Variants in PLA2G4E observed in about 807,000 individuals in gnomAD.
The protein encoded by PLA2G4E is phospholipase A2 group IVE, also known as cytosolic phospholipase A2 epsilon.
A neutral mutation model predicts 109.1 loss-of-function variants in PLA2G4E; 84 were observed. The observed-to-expected ratio is 0.77, with a 90% CI of 0.65 to 0.92. The LOEUF (loss-of-function observed/expected upper bound fraction) is 0.92. Ranked by LOEUF, PLA2G4E falls within the 40% of genes least tolerant of loss-of-function variation. The pLI, the probability that PLA2G4E is intolerant of heterozygous loss-of-function variation, is 0.00. For synonymous variants in PLA2G4E, 469 were observed against 436.1 expected (o/e 1.08, Z -0.94); for missense variants, 1,057 against 1,076.6 (o/e 0.98, Z 0.25).
chr15:42,034,587 T>C (rs1055025471), intron 1 of PLA2G4E, among the ~76,000 whole-genome samples: 1 of 152,220 alleles, frequency 6.6e-6, no homozygotes, highest in African/African-American at 2.4e-5. Context: ...CTCATTCTCA[T>C]CCTCTTAGAC....
intron 1 of PLA2G4E, among the ~76,000 whole-genome samples, chr15:42,029,703 C>G (rs1321188569): frequency 2.0e-5 from 3 of 152,230 alleles, no homozygotes; most frequent in Non-Finnish European, 4.4e-5. Context: ...AAGTTTATCC[C>G]TCTAAGCCTG....
In PLA2G4E at chr15:42,050,603, C is replaced by CT; in HGVS notation, c.100dup (p.Ser34LysfsTer4). The CT allele has an allele frequency of 6.4e-7, 1 of 1,550,628 alleles. No homozygotes were observed. The highest frequency in any genetic ancestry group is 1.2e-5 in the South Asian group (1 of 84,062). On this transcript the variant is annotated frameshift_variant, in exon 1 of 20. Transcript: ENST00000399518. LOFTEE classifies it high-confidence loss of function. Reference sequence around the variant, plus strand: ...CTGTGTATCCTCGAACTCACTGAAACTTCTTCCTGACCTGCTGCCTTCTTC... The same window carrying CT: ...CTGTGTATCCTCGAACTCACTGAAACTTTCTTCCTGACCTGCTGCCTTCTTC...
chr15:42,004,477 C>G (rs1187972401), intron 5 of PLA2G4E, among the ~76,000 whole-genome samples: 1 of 152,066 alleles, frequency 6.6e-6, no homozygotes, highest in Non-Finnish European at 1.5e-5. Flanking sequence ...CTGAGCCTCC[C>G]ATTGACGTGG....
chr15:42,008,872 T>C (rs1426522293), intron 2 of PLA2G4E: 1 of 141,366 alleles, frequency 7.1e-6, no homozygotes, highest in Non-Finnish European at 1.6e-5. Context: ...AGGATGGGAG[T>C]TCTACACTGG....
At chr15:41,990,158 G>A in exon 14 of PLA2G4E, 1 of 1,613,590 alleles carries the variant, frequency 6.2e-7, no homozygotes, top group Non-Finnish European at 8.5e-7. Flanking sequence ...CCTTGACATT[G>A]ATGGTGAGGT....
At chr15:42,017,368 C>T (rs16972467) in intron 1 of PLA2G4E, among the ~76,000 whole-genome samples, 19,986 of 152,238 alleles carry the variant, frequency 0.13, 2,968 homozygotes, top group African/African-American at 0.36. Flanking sequence ...ATGCAGGTGA[C>T]CATTTCTTCC....
intron 13 of PLA2G4E, among the ~76,000 whole-genome samples, chr15:41,990,611 A>C (rs920367104): frequency 1.3e-5 from 2 of 151,954 alleles, no homozygotes. Flanking sequence ...CATGTTTAGC[A>C]TCTCCATTTT....
chr15:41,987,479 T>A, intron 16 of PLA2G4E, 104 bp from the exon 17 acceptor site: 1 of 1,051,194 alleles, frequency 9.5e-7, no homozygotes, highest in Non-Finnish European at 1.4e-6. Context: ...GTGAGCACTG[T>A]AAAAGCAGCT....
exon 4 of PLA2G4E, chr15:42,006,093 T>A: frequency 6.2e-7 from 1 of 1,613,910 alleles, no homozygotes; most frequent in African/African-American, 1.3e-5. Flanking sequence ...CACTGTGTCT[T>A]CATCACAGAC....
intron 15 of PLA2G4E, 78 bp from the exon 16 acceptor site, chr15:41,988,234 C>G: frequency 1.2e-6 from 1 of 841,026 alleles, no homozygotes; most frequent in Non-Finnish European, 1.7e-6. Context: ...CCCACTCCCC[C>G]CACCCCCCCA....
intron 1 of PLA2G4E, among the ~76,000 whole-genome samples, chr15:42,041,449 A>T (rs1040378142): frequency 3.3e-5 from 5 of 152,158 alleles, no homozygotes; most frequent in African/African-American, 9.7e-5. Context: ...TTACGAATCC[A>T]GTTGCATCCA....
intron 1 of PLA2G4E, among the ~76,000 whole-genome samples, chr15:42,031,090 C>T (rs1889103103): frequency 6.6e-6 from 1 of 152,124 alleles, no homozygotes; most frequent in African/African-American, 2.4e-5. Context: ...ACTTCAGCCT[C>T]CTGAGTAGCT....
chr15:41,990,879 C>T (rs1181348516), intron 13 of PLA2G4E, among the ~76,000 whole-genome samples: 1 of 151,850 alleles, frequency 6.6e-6, no homozygotes, highest in East Asian at 1.9e-4. Context: ...GTGAATCAGC[C>T]ACTGCAAACG....
At chr15:41,987,942 T>G in intron 16 of PLA2G4E, 107 bp downstream of exon 16, 10 of 489,256 alleles carry the variant, frequency 2.0e-5, no homozygotes, top group East Asian at 6.8e-5. Flanking sequence ...CCGCCCCCCA[T>G]CACCCAGCCA....
chr15:42,006,385 CT>C (rs1481899263), intron 3 of PLA2G4E, among the ~76,000 whole-genome samples: 1 of 152,172 alleles, frequency 6.6e-6, no homozygotes, highest in Non-Finnish European at 1.5e-5. Context: ...CTTTTACAAG[CT>C]TGGTAGAGAC....
chr15:42,013,638 T>C (rs754141151), intron 2 of PLA2G4E, 47 bp downstream of exon 2: 3 of 1,504,750 alleles, frequency 2.0e-6, no homozygotes, highest in African/African-American at 3.0e-5. Flanking sequence ...GCCTCTTCCA[T>C]CCAGATCCGG....
chr15:42,050,500 C>G (rs762221846), intron 1 of PLA2G4E: 82 of 1,544,810 alleles, frequency 5.3e-5, no homozygotes, highest in Non-Finnish European at 6.9e-5. Flanking sequence ...CCAGACCCCC[C>G]TCCCAGGAAC....
intron 3 of PLA2G4E, 49 bp from the exon 4 acceptor site, chr15:42,006,170 C>T (rs777233846): frequency 5.0e-6 from 8 of 1,606,702 alleles, no homozygotes; most frequent in South Asian, 3.3e-5. Context: ...TTGCATTGAC[C>T]CCTTCCCAGA....
chr15:42,016,886 T>C (rs543166723), intron 1 of PLA2G4E, among the ~76,000 whole-genome samples: 1 of 152,378 alleles, frequency 6.6e-6, no homozygotes, highest in African/African-American at 2.4e-5. Context: ...CCAAAAGCCA[T>C]GCACACTGCT....
Sources: gnomAD v4.1 joint callset for allele counts (sites outside exome capture counted in the v4.1 genomes callset) on GRCh38, gnomAD v4.1.1 for gene constraint, MANE v1.5 for transcripts, NCBI Gene and HGNC (gene_info 2026-07-23, HGNC 2026-07-21) for gene names.